The following MKS1 variants were observed in gnomAD, a reference collection of about 807,000 sequenced individuals.
MKS1 encodes the protein tectonic-like complex member MKS1.
A neutral mutation model predicts 83.7 loss-of-function variants in MKS1; 70 were observed. That is an observed-to-expected ratio of 0.84 (90% CI 0.69 to 1.02). The LOEUF is 1.02. Ranked by LOEUF, MKS1 falls within the 50% of genes least tolerant of loss-of-function variation. The probability of loss-of-function intolerance (pLI) is 0.00; values close to 1 mark genes in which losing one functional copy is unlikely to be tolerated. For synonymous variants in MKS1, 251 were observed against 273.4 expected (o/e 0.92, Z 0.81); for missense variants, 681 against 726.9 (o/e 0.94, Z 0.73).
At chr17:58,208,464 C>A in intron 12 of MKS1, 49 bp downstream of exon 12, 1 of 1,596,520 alleles carries the variant, frequency 6.3e-7, no homozygotes, top group South Asian at 1.1e-5. Context: ...AATGCCATCC[C>A]AGGAGCAGAT....
Position 58,207,984 on chromosome 17 carries a change from G to C in MKS1, c.1183C>G (p.Pro395Ala). ...DESSDALPEWPVLYCEVLSLD... is the reference protein window; with the variant it reads ...DESSDALPEWAVLYCEVLSLD... ...GAGAGGACCTCACAGTAGAGCACAGGCCACTCCGGGAGTGCATCTGGGAGC... is the reference window on the plus strand; with the variant it reads ...GAGAGGACCTCACAGTAGAGCACAGCCCACTCCGGGAGTGCATCTGGGAGC... The change falls in exon 14 of 18, where the codon CCT becomes GCT. Residue 395 changes from proline (P) to alanine (A), a missense_variant. Transcript: ENST00000393119. 6.2e-7 allele frequency: 1 copy of C among 1,614,080 alleles called. No homozygotes were observed. The highest frequency in any genetic ancestry group is 2.2e-5 in the East Asian group (1 of 44,872).
rs560607597 is a variant in MKS1 at position 58,214,477 on chromosome 17, A to G, written c.516-90T>C. The G allele has an allele frequency of 2.3e-5, 36 of 1,588,906 alleles. 2 individuals are homozygous for G. The highest frequency in any genetic ancestry group is 4.5e-4 in the Middle Eastern group (2 of 4,432). ...CACTTCAGAATGGGAAGTTTGAGCT[A>G]GTGGACATACTGTTTTGTTTTGTTT... is the stretch of plus-strand genomic sequence containing the variant. On this transcript the variant is annotated intron_variant, in intron 5 of 17. Transcript: ENST00000393119.
intron 4 of MKS1, chr17:58,215,747 T>C (rs1437342508): frequency 1.2e-5 from 4 of 347,488 alleles, no homozygotes; most frequent in Non-Finnish European, 2.2e-5. Context: ...ATTTTATCTA[T>C]ATTGTTCCAG....
chr17:58,206,420 C>T, intron 16 of MKS1, 40 bp from the exon 17 acceptor site: 3 of 1,613,902 alleles, frequency 1.9e-6, no homozygotes, highest in Non-Finnish European at 2.5e-6. Flanking sequence ...CTGTCTCCAC[C>T]CCTCAGGGCT....
At chr17:58,214,990 A>G in intron 4 of MKS1, 152 bp from the exon 5 acceptor site, 2 of 1,259,130 alleles carry the variant, frequency 1.6e-6, no homozygotes, top group Non-Finnish European at 2.2e-6. Context: ...CGGAGGGAGC[A>G]GTAGCCAAAC....
intron 6 of MKS1, 116 bp from the exon 7 acceptor site, chr17:58,213,985 A>G (rs1969038994): frequency 2.9e-6 from 3 of 1,044,954 alleles, no homozygotes; most frequent in Non-Finnish European, 4.4e-6. Context: ...TGTCATGGTA[A>G]AACTTTCTTC....
At position 58,214,755 on chromosome 17, in the gene MKS1, C is replaced by G; in HGVS notation, c.501G>C (p.Gln167His). 6.2e-7 allele frequency: 1 copy of G among 1,606,628 alleles called. No individual in the cohort carries two copies. Among genetic ancestry groups the G allele is most frequent in the Non-Finnish European group, 8.5e-7 (1 of 1,179,792 alleles). The part of the protein sequence containing the change: ...ERMANVRRRR[Q>H]DRRGMEGGIL... ...CCCGCACTCACATCCCTCGCCTGTC[C>G]TGCCGGCGACGCCTGACATTTGCCA... The change falls in exon 5 of 18, where the codon CAG becomes CAC. Residue 167 changes from glutamine to histidine, a missense_variant. Transcript: ENST00000393119.
chr17:58,207,830 G>T (rs752322351), intron 14 of MKS1, 64 bp downstream of exon 14: 2 of 1,404,316 alleles, frequency 1.4e-6, no homozygotes, highest in South Asian at 1.2e-5. Flanking sequence ...AAGCATTCGA[G>T]TGTTAGTCTT....
chr17:58,215,005 C>A, intron 4 of MKS1, 167 bp from the exon 5 acceptor site: 1 of 1,060,062 alleles, frequency 9.4e-7, no homozygotes, highest in Non-Finnish European at 1.4e-6. Flanking sequence ...CCAAACAACC[C>A]AAAGAAGATT....
intron 11 of MKS1, among the ~76,000 whole-genome samples, chr17:58,208,804 T>A (rs1338218954): frequency 6.6e-6 from 1 of 151,918 alleles, no homozygotes; most frequent in Non-Finnish European, 1.5e-5. Flanking sequence ...TAGGCAGAGG[T>A]CCCTGCGGCC....
chr17:58,214,730 C>T lies in MKS1; in HGVS notation c.515+11G>A. ...GTAAAAGCTTGTCCCCCATCCCATGCCCGCACTCACATCCCTCGCCTGTCC... is the reference window on the plus strand; with the variant it reads ...GTAAAAGCTTGTCCCCCATCCCATGTCCGCACTCACATCCCTCGCCTGTCC... On this transcript the variant is annotated intron_variant, in intron 5 of 17. Coordinates refer to ENST00000393119, the MANE Select transcript of MKS1 (RefSeq NM_017777.4). 1 of 1,603,426 alleles carries T rather than the reference C, an allele frequency of 6.2e-7. No individual in the cohort carries two copies.
Position 58,206,523 on chromosome 17 carries a change from G to C in MKS1, c.1432C>G (p.Leu478Val). 6.2e-7 allele frequency: 1 copy of C among 1,613,664 alleles called. No homozygotes were observed. Among genetic ancestry groups the C allele is most frequent in the Non-Finnish European group, 8.5e-7 (1 of 1,180,024 alleles). ...ACAGTGCCTGTGGTCTCTGTGCGGA[G>C]TCCAAAGCGGCTCAGGCGTTCCCCC... ...FKGERLSRFG[L>V]RTETTGTVTF... The change falls in exon 16 of 18, where the codon CTC (leucine) becomes GTC (valine). Residue 478 changes from leucine (L) to valine (V), a missense_variant. Around this residue, in one of 3 missense-constraint regions of MKS1, gnomAD observed 310 missense variants for 321.7 expected, o/e 0.96. Transcript: ENST00000393119.
intron 10 of MKS1, 126 bp downstream of exon 10, chr17:58,210,853 GA>G (rs370687703): frequency 2.1e-6 from 3 of 1,451,972 alleles, no homozygotes; most frequent in African/African-American, 1.4e-5. Context: ...GCGTTTCCAG[GA>G]AAGACTCACC....
chr17:58,206,837 C>G, intron 15 of MKS1: 1 of 634,096 alleles, frequency 1.6e-6, no homozygotes. Context: ...GGGGAAAGAG[C>G]CAGTTATTCT....
At chr17:58,214,481 G>A (rs1029747128) in intron 5 of MKS1, 94 bp from the exon 6 acceptor site, 1 of 1,579,894 alleles carries the variant, frequency 6.3e-7, no homozygotes, top group Non-Finnish European at 8.6e-7. Flanking sequence ...TGAGCTAGTG[G>A]ACATACTGTT....
intron 14 of MKS1, 43 bp downstream of exon 14, chr17:58,207,851 C>T (rs202243317): frequency 9.0e-5 from 138 of 1,526,426 alleles, no homozygotes; most frequent in Middle Eastern, 9.0e-4. Context: ...GTTCTTAGGG[C>T]CTAGGGCATG....
intron 1 of MKS1, 93 bp from the exon 2 acceptor site, chr17:58,218,822 G>A (rs1364874572): frequency 8.5e-7 from 1 of 1,178,856 alleles, no homozygotes; most frequent in Non-Finnish European, 1.2e-6. Context: ...GAGGAGGTAG[G>A]GTTGCCAAGG....
intron 9 of MKS1, among the ~76,000 whole-genome samples, chr17:58,211,893 A>G (rs1036922217): frequency 6.6e-6 from 1 of 152,164 alleles, no homozygotes; most frequent in African/African-American, 2.4e-5. Context: ...AAAATATGTG[A>G]CAAACAGAAA....
rs762525007 is a variant in MKS1, at chr17:58,216,256, T to C, written c.262-13A>G. ...GATCTACTTCAAACTGAGGTTACCATAAGGAAACAGAGATGTGTACATCAT... is the reference window on the plus strand; with the variant it reads ...GATCTACTTCAAACTGAGGTTACCACAAGGAAACAGAGATGTGTACATCAT... On this transcript the variant is annotated splice_polypyrimidine_tract_variant and intron_variant, in intron 3 of 17. Transcript: ENST00000393119. 1.9e-6 allele frequency: 3 copies of C among 1,610,364 alleles called. No individual in the cohort carries two copies. Among genetic ancestry groups the C allele is most frequent in the South Asian group, 2.2e-5 (2 of 91,078 alleles).
Sources: allele counts gnomAD v4.1 joint callset (sites outside exome capture counted in the v4.1 genomes callset), GRCh38; gene constraint gnomAD v4.1.1; regional missense constraint gnomAD v4.1.1; transcripts MANE v1.5; gene names NCBI Gene and HGNC (gene_info 2026-07-23, HGNC 2026-07-21).